Variants in RC3H2 observed in about 807,000 individuals in gnomAD.
The protein encoded by RC3H2 is roquin-2.
RC3H2 carries 31 observed loss-of-function variants against 133.3 expected under a neutral mutation model. The ratio of observed to expected loss-of-function variants is 0.23; its 90% CI spans 0.17 to 0.31. RC3H2 has a LOEUF of 0.31. Among genes scored for constraint, RC3H2 ranks in the 10% least tolerant of loss-of-function variants. The pLI is 1.00. For missense variants in RC3H2, 1,175 were observed against 1,437.2 expected (o/e 0.82, Z 2.95); for synonymous variants, 517 against 502.2 (o/e 1.03, Z -0.40).
chr9:122,868,996 G>T (rs1228492608), intron 9 of RC3H2, among the ~76,000 whole-genome samples: 3 of 150,978 alleles, frequency 2.0e-5, no homozygotes, highest in Non-Finnish European at 4.4e-5. Flanking sequence ...CCGCCTCCTG[G>T]GTTCAAGTGA....
chr9:122,881,299 CAACATGACG>C (rs1421164639), intron 5 of RC3H2, among the ~76,000 whole-genome samples: 1 of 151,738 alleles, frequency 6.6e-6, no homozygotes, highest in Non-Finnish European at 1.5e-5. Flanking sequence ...CCAGCCTGGC[CAACATGACG>C]AAACCCCATC....
chr9:122,885,170 A>G (rs1474334592), intron 4 of RC3H2, among the ~76,000 whole-genome samples: 1 of 152,196 alleles, frequency 6.6e-6, no homozygotes, highest in East Asian at 1.9e-4. Flanking sequence ...TGTTTTTAGG[A>G]AAACTAAATA....
intron 9 of RC3H2, among the ~76,000 whole-genome samples, chr9:122,868,875 GTGTGTGTGTGTGTGTATGTGTTT>G (rs1384858828): frequency 4.0e-4 from 6 of 15,088 alleles, no homozygotes; most frequent in Non-Finnish European, 1.2e-3. Flanking sequence ...GTGTGTGTGT[GTGTGTGTGTGTGTGTATGTGTTT>G]TTTTTTTTTT....
chr9:122,859,810 G>C, intron 11 of RC3H2, 107 bp downstream of exon 11: 1 of 963,640 alleles, frequency 1.0e-6, no homozygotes, highest in Non-Finnish European at 1.6e-6. Context: ...GAGTCACATA[G>C]TCAAAAGGAT....
intron 9 of RC3H2, among the ~76,000 whole-genome samples, chr9:122,872,632 C>G (rs978951615): frequency 6.6e-6 from 1 of 152,104 alleles, no homozygotes; most frequent in Non-Finnish European, 1.5e-5. Context: ...CTCACTCTAT[C>G]ACCCAGGTTG....
rs530163205 is a variant in RC3H2, at chr9:122,851,275, A to C, written c.3232-46T>G. 5 of 1,611,796 alleles carry C rather than the reference A, an allele frequency of 3.1e-6. No individual in the cohort carries two copies. In the African/African-American group the frequency reaches 4.0e-5, roughly 13 times the overall value. Reference sequence around the variant, plus strand: ...TCCTTCAGTATGAAAGTATTTTATAAATTTTCAATCAAACAAAGCCTCTCA... The same window carrying C: ...TCCTTCAGTATGAAAGTATTTTATACATTTTCAATCAAACAAAGCCTCTCA... On this transcript the variant is annotated intron_variant, in intron 19 of 20. Coordinates refer to ENST00000357244, the MANE Select transcript of RC3H2 (RefSeq NM_001100588.3).
intron 14 of RC3H2, 87 bp from the exon 15 acceptor site, chr9:122,855,484 GT>G: frequency 7.7e-7 from 1 of 1,297,976 alleles, no homozygotes. Context: ...ATGTAATTAG[GT>G]TTTTTGGTTA....
At position 122,846,975 on chromosome 9, in the gene RC3H2, C is replaced by CA. The variant is rs1410277266; in HGVS notation, c.*2651dup. On this transcript the variant is annotated 3_prime_UTR_variant, in exon 21 of 21. Coordinates refer to ENST00000357244, the MANE Select transcript of RC3H2 (RefSeq NM_001100588.3). ...GTGACCACTACATAGAGAATGGATG[C>CA]AACACAGAATAATCTCAACACAGAA... 1 of 152,046 alleles carries CA rather than the reference C, an allele frequency of 6.6e-6. No homozygotes were observed. Among genetic ancestry groups the CA allele is most frequent in the Non-Finnish European group, 1.5e-5 (1 of 67,966 alleles). The allele number at this position is 152,046 out of a possible 1,614,324, so 9.4% of individuals were successfully genotyped here.
intron 4 of RC3H2, among the ~76,000 whole-genome samples, chr9:122,887,217 T>G (rs903004569): frequency 6.6e-6 from 1 of 152,210 alleles, no homozygotes; most frequent in Non-Finnish European, 1.5e-5. Context: ...ATTATTAGTT[T>G]GAATTCAGCT....
At chr9:122,851,741 T>C (rs1394232321) in intron 18 of RC3H2, among the ~76,000 whole-genome samples, 2 of 152,156 alleles carry the variant, frequency 1.3e-5, no homozygotes, top group African/African-American at 4.8e-5. Context: ...ACGAGTGATC[T>C]GCCAGCCTCG....
rs142946884 is a variant in RC3H2, at chr9:122,892,480, C to T, written c.349+429G>A. Among the ~76,000 whole-genome samples the T allele has an allele frequency of 9.2e-3, 1,404 of 152,142 alleles. 27 individuals are homozygous for T. The highest frequency in any genetic ancestry group is 0.032 in the African/African-American group (1,334 of 41,482). ...AGGCTGGAGTGCAGTGGCACCATCT[C>T]GGCTCACTGCAAGCTCTGCCTCCCG... On this transcript the variant is annotated intron_variant, in intron 3 of 20. Coordinates refer to ENST00000357244, the MANE Select transcript of RC3H2 (RefSeq NM_001100588.3).
chr9:122,849,921 A>G, intron 20 of RC3H2, 99 bp from the exon 21 acceptor site: 1 of 716,798 alleles, frequency 1.4e-6, no homozygotes, highest in South Asian at 2.9e-5. Flanking sequence ...AAACTTTAGG[A>G]GTCTCTAGCA....
chr9:122,901,194 A>G lies in RC3H2; in HGVS notation c.-67-3618T>C, dbSNP rs77579008. ...TTCTCTTAATAAAAATGTAAACCTT[A>G]GGGCTTAGTTCTTCTAATTAAAACC... is the stretch of plus-strand genomic sequence containing the variant. On this transcript the variant is annotated intron_variant, in intron 1 of 20. Transcript: ENST00000357244. 2.7e-3 allele frequency among the ~76,000 whole-genome samples: 406 copies of G among 152,324 alleles called. 2 individuals are homozygous for G. The East Asian group carries it at 0.044, about 17-fold the overall frequency.
chr9:122,857,488 C>T (rs1394388007), intron 13 of RC3H2, among the ~76,000 whole-genome samples: 1 of 152,194 alleles, frequency 6.6e-6, no homozygotes. Flanking sequence ...CAGCTATTTA[C>T]AGCTGAAAGA....
At chr9:122,853,858 G>A (rs1470580436) in intron 18 of RC3H2, 94 bp downstream of exon 18, 3 of 1,609,416 alleles carry the variant, frequency 1.9e-6, no homozygotes, top group Admixed American at 3.3e-5. Flanking sequence ...TCAGAGATAG[G>A]CACACCAAAA....
intron 5 of RC3H2, among the ~76,000 whole-genome samples, chr9:122,882,361 T>TTA (rs1769548068): frequency 2.0e-5 from 3 of 152,210 alleles, no homozygotes; most frequent in African/African-American, 7.2e-5. Context: ...ACATTTCTAT[T>TTA]ATCAACTACC....
intron 9 of RC3H2, among the ~76,000 whole-genome samples, chr9:122,873,452 C>T (rs1831189540): frequency 6.6e-6 from 1 of 152,152 alleles, no homozygotes; most frequent in African/African-American, 2.4e-5. Context: ...ATGGCTCATG[C>T]CTGTAATCCT....
At chr9:122,880,236 C>T (rs1284563885) in intron 6 of RC3H2, 111 bp from the exon 7 acceptor site, 1 of 1,202,954 alleles carries the variant, frequency 8.3e-7, no homozygotes, top group Non-Finnish European at 1.2e-6. Context: ...TCTTCAGATT[C>T]CACAGTAGGA....
chr9:122,847,817 TACAA>T lies in RC3H2; in HGVS notation c.*1806_*1809del, dbSNP rs1456932228. 2.0e-5 allele frequency: 3 copies of T among 152,156 alleles called. No homozygotes were observed. Among genetic ancestry groups the T allele is most frequent in the East Asian group, 1.9e-4 (1 of 5,196 alleles). 9.4% of individuals were successfully genotyped at this position (152,156 alleles called of 1,614,324 possible). A position where few individuals can be genotyped will look rare whatever the true frequency, so the allele number is the denominator to read the frequency against. On this transcript the variant is annotated 3_prime_UTR_variant, in exon 21 of 21. Transcript: ENST00000357244. ...CAAGGCTACTGTGCTGTTGTTATGCTACAAACAAACATCTTCATACATTTGAGTA... is the reference window on the plus strand; with the variant it reads ...CAAGGCTACTGTGCTGTTGTTATGCTACAAACATCTTCATACATTTGAGTA...
Sources: allele counts gnomAD v4.1 joint callset (sites outside exome capture counted in the v4.1 genomes callset), GRCh38; gene constraint gnomAD v4.1.1; transcripts MANE v1.5; gene names NCBI Gene and HGNC (gene_info 2026-07-23, HGNC 2026-07-21).